Variants in RAB3GAP1 observed in about 807,000 individuals in gnomAD.
The protein encoded by RAB3GAP1 is RAB3 GTPase activating protein catalytic subunit 1.
In RAB3GAP1, 86 loss-of-function variants were observed where a neutral mutation model predicts 130.7. The ratio of observed to expected loss-of-function variants is 0.66; its 90% CI spans 0.55 to 0.79. RAB3GAP1 has a LOEUF of 0.79. Ranked by LOEUF, RAB3GAP1 falls within the 30% of genes least tolerant of loss-of-function variation. The pLI is 0.00. For synonymous variants in RAB3GAP1, 367 were observed against 401.7 expected, an observed-to-expected ratio of 0.91 and a Z score of 1.03; for missense variants, 1,029 against 1,169.4, an observed-to-expected ratio of 0.88 and a Z score of 1.75.
chr2:135,131,859 A>G (rs1035043406), intron 13 of RAB3GAP1, among the ~76,000 whole-genome samples: 2 of 152,256 alleles, frequency 1.3e-5, no homozygotes, highest in African/African-American at 2.4e-5. Context: ...TTGTGGTTAA[A>G]ATCATACTCC....
At position 135,157,826 on chromosome 2, in the gene RAB3GAP1, C is replaced by T. The variant is rs532270221; in HGVS notation, c.2289+3950C>T. ...CAGCCTGGGTGACAGAGTGAGAATCCATCTCAAAAAAAAAAAAAAAAAACA... is the reference window on the plus strand; with the variant it reads ...CAGCCTGGGTGACAGAGTGAGAATCTATCTCAAAAAAAAAAAAAAAAAACA... On this transcript the variant is annotated intron_variant, in intron 19 of 23. Coordinates refer to ENST00000264158, the MANE Select transcript of RAB3GAP1 (RefSeq NM_012233.3). Among the ~76,000 whole-genome samples, 22 of 120,616 alleles carry T rather than the reference C, an allele frequency of 1.8e-4. No homozygotes were observed. The East Asian group carries it at 5.0e-3, about 28-fold the overall frequency. The allele number at this position is 120,616 out of a possible 152,430, so 79.1% of individuals were successfully genotyped here.
At chr2:135,118,278 TA>T (rs370610271) in intron 7 of RAB3GAP1, among the ~76,000 whole-genome samples, 7,904 of 149,516 alleles carry the variant, frequency 0.053, 277 homozygotes, top group Middle Eastern at 0.12. Flanking sequence ...TAGCAGTAGT[TA>T]AAAAAAAAAG....
chr2:135,083,021 A>G (rs1689871633), intron 3 of RAB3GAP1, among the ~76,000 whole-genome samples: 1 of 152,136 alleles, frequency 6.6e-6, no homozygotes, highest in South Asian at 2.1e-4. Flanking sequence ...TGTTGTATAA[A>G]TAGTAGGTAT....
rs539310402 is a variant in RAB3GAP1 at position 135,103,035 on chromosome 2, A to ATTTTTTTTTTTTTTT, written c.362+9348_362+9362dup. On this transcript the variant is annotated intron_variant, in intron 5 of 23. Transcript: ENST00000264158. ...AAAAAAAAAAAAAATCATTTTTGTG[A>ATTTTTTTTTTTTTTT]TTTTTTTTTTTTTTTTTTTTGAGAC... Among the ~76,000 whole-genome samples, 20 of 90,884 alleles carry ATTTTTTTTTTTTTTT rather than the reference A, an allele frequency of 2.2e-4. 1 individual carries two copies. The highest frequency in any genetic ancestry group is 3.8e-4 in the African/African-American group (7 of 18,184). 59.6% of individuals were successfully genotyped at this position (90,884 alleles called of 152,430 possible). A position where few individuals can be genotyped will look rare whatever the true frequency, so the allele number is the denominator to read the frequency against.
chr2:135,092,106 A>G (rs1221708509), intron 4 of RAB3GAP1, among the ~76,000 whole-genome samples: 1 of 152,222 alleles, frequency 6.6e-6, no homozygotes, highest in Non-Finnish European at 1.5e-5. Flanking sequence ...TTCATAAACC[A>G]GGGCAGATAA....
At chr2:135,099,634 T>C (rs1257482375) in intron 5 of RAB3GAP1, among the ~76,000 whole-genome samples, 1 of 152,018 alleles carries the variant, frequency 6.6e-6, no homozygotes, top group East Asian at 1.9e-4. Flanking sequence ...TTCTCTTTTA[T>C]TTTCTTTGAG....
intron 17 of RAB3GAP1, among the ~76,000 whole-genome samples, chr2:135,140,761 A>G (rs573100486): frequency 6.6e-6 from 1 of 152,220 alleles, no homozygotes; most frequent in Admixed American, 6.5e-5. Context: ...ACTCCCATAA[A>G]GAAAGTAGGT....
intron 9 of RAB3GAP1, 47 bp from the exon 10 acceptor site, chr2:135,126,134 T>C (rs1259318279): frequency 1.5e-6 from 2 of 1,327,728 alleles, no homozygotes; most frequent in Non-Finnish European, 2.2e-6. Flanking sequence ...TTAAATATAA[T>C]TGCTGAGTCA....
rs770734839 is a variant in RAB3GAP1, at chr2:135,132,982, T to C, written c.1324T>C (p.Tyr442His). 3.9e-6 allele frequency: 6 copies of C among 1,527,406 alleles called. No homozygotes were observed. In the East Asian group the frequency reaches 1.4e-4, roughly 34 times the overall value. 94.6% of individuals were successfully genotyped at this position (1,527,406 alleles called of 1,614,324 possible). ...TAATCCTCCATCAGAGAGTGAAGAC[T>C]ATGTAAGTTGATGTGGAGTTCAATG... ...NNNPPSESED[Y>H]NLYNQFKSAP... is the part of the protein sequence containing the mutation. The change falls in exon 14 of 24, where the codon TAT (tyrosine) becomes CAT (histidine). Residue 442 changes from tyrosine (Y) to histidine (H), a missense_variant and splice_region_variant. Coordinates refer to ENST00000264158, the MANE Select transcript of RAB3GAP1 (RefSeq NM_012233.3).
Position 135,113,397 on chromosome 2 carries a change from C to T in RAB3GAP1, c.482+127C>T, listed in dbSNP as rs148331481. The T allele has an allele frequency of 1.6e-4, 201 of 1,233,736 alleles. 1 individual carries two copies. The East Asian group carries it at 4.3e-3, about 27-fold the overall frequency. 76.4% of individuals were successfully genotyped at this position (1,233,736 alleles called of 1,614,324 possible). On this transcript the variant is annotated intron_variant, in intron 6 of 23. Transcript: ENST00000264158. ...AACTTAGTGCATATATATTGTTAAA[C>T]TAAATTTGACTTGAGGTTACCTCTG...
intron 1 of RAB3GAP1, 48 bp downstream of exon 1, chr2:135,052,373 T>C: frequency 6.2e-7 from 1 of 1,614,162 alleles, no homozygotes. Flanking sequence ...CTAAATTCGT[T>C]CCTCATGTCT....
At chr2:135,133,065 G>T in intron 14 of RAB3GAP1, 81 bp downstream of exon 14, 1 of 870,170 alleles carries the variant, frequency 1.1e-6, no homozygotes. Flanking sequence ...TAGTTTAATA[G>T]CTTACTATAT....
intron 5 of RAB3GAP1, among the ~76,000 whole-genome samples, chr2:135,095,268 T>A (rs1233856230): frequency 6.6e-6 from 1 of 152,184 alleles, no homozygotes; most frequent in Non-Finnish European, 1.5e-5. Context: ...CAGGATGGTC[T>A]CGATCTCCTG....
Position 135,150,295 on chromosome 2 carries a change from CTT to C in RAB3GAP1, c.1924-72_1924-71del, listed in dbSNP as rs1692138421. 9 of 1,568,860 alleles carry C rather than the reference CTT, an allele frequency of 5.7e-6. No individual in the cohort carries two copies. In the Admixed American group the frequency reaches 1.2e-4, roughly 20 times the overall value. On this transcript the variant is annotated intron_variant, in intron 17 of 23. Coordinates refer to ENST00000264158, the MANE Select transcript of RAB3GAP1 (RefSeq NM_012233.3). ...CTGCTATAGCTGAAATGACTGTTGT[CTT>C]TATTCTATTTTTATGGTACTTCTTT...
At chr2:135,077,787 T>C (rs376833481) in intron 3 of RAB3GAP1, among the ~76,000 whole-genome samples, 2 of 152,332 alleles carry the variant, frequency 1.3e-5, no homozygotes, top group East Asian at 3.9e-4. Flanking sequence ...GATTTGCATT[T>C]CTCCAATAAT....
At chr2:135,165,134 G>A (rs1413768212) in intron 23 of RAB3GAP1, 1 of 456,258 alleles carries the variant, frequency 2.2e-6, no homozygotes, top group Non-Finnish European at 4.4e-6. Flanking sequence ...TAATGGTGAG[G>A]AGATCTACCT....
intron 3 of RAB3GAP1, among the ~76,000 whole-genome samples, chr2:135,086,148 A>G (rs1689975878): frequency 6.6e-6 from 1 of 152,130 alleles, no homozygotes; most frequent in Admixed American, 6.5e-5. Context: ...TGGGCATTTA[A>G]ATTGTCTCCA....
chr2:135,069,904 T>C (rs1397162483), intron 3 of RAB3GAP1, among the ~76,000 whole-genome samples: 1 of 152,196 alleles, frequency 6.6e-6, no homozygotes, highest in South Asian at 2.1e-4. Context: ...AATTTTTATC[T>C]GAGGAATGGG....
At chr2:135,163,153 C>T (rs750062845) in intron 22 of RAB3GAP1, 52 bp downstream of exon 22, 1 of 1,243,146 alleles carries the variant, frequency 8.0e-7, no homozygotes, top group Non-Finnish European at 1.2e-6. Context: ...AAAGCCACCA[C>T]TCTCTTAAGA....
Sources: gnomAD v4.1 joint callset for allele counts (sites outside exome capture counted in the v4.1 genomes callset) on GRCh38, gnomAD v4.1.1 for gene constraint, MANE v1.5 for transcripts, NCBI Gene and HGNC (gene_info 2026-07-23, HGNC 2026-07-21) for gene names.